The following NKAIN2 variants were observed in gnomAD, a reference collection of about 807,000 sequenced individuals.
NKAIN2 encodes sodium/potassium-transporting ATPase subunit beta-1-interacting protein 2.
Under a neutral mutation model 32.6 loss-of-function variants are expected in NKAIN2, and 14 were observed. The ratio of observed to expected loss-of-function variants is 0.43; its 90% CI spans 0.28 to 0.67. The LOEUF (loss-of-function observed/expected upper bound fraction) is 0.67, where lower values mean the gene tolerates loss of function less well. Among genes scored for constraint, NKAIN2 ranks in the 30% least tolerant of loss-of-function variants. The probability of loss-of-function intolerance (pLI) is 0.17; values close to 1 mark genes in which losing one functional copy is unlikely to be tolerated. For synonymous variants in NKAIN2, 80 were observed against 87.2 expected, an observed-to-expected ratio of 0.92 and a Z score of 0.46; for missense variants, 198 against 258.3, an observed-to-expected ratio of 0.77 and a Z score of 1.60.
intron 3 of NKAIN2, among the ~76,000 whole-genome samples, chr6:124,522,292 T>C (rs1779146252): frequency 6.6e-6 from 1 of 152,236 alleles, no homozygotes; most frequent in Admixed American, 6.5e-5. Flanking sequence ...CTATTCAGCA[T>C]GTATTTCATA....
In NKAIN2 at chr6:124,345,750, G is replaced by A. The variant is rs4628117; in HGVS notation, c.193-9517G>A. On this transcript the variant is annotated intron_variant, in intron 2 of 6. Coordinates refer to ENST00000368417, the MANE Select transcript of NKAIN2 (RefSeq NM_001040214.3). The stretch of plus-strand genomic sequence containing the variant: ...TTTCTTCTTTATTAGTCTTGCTAGC[G>A]GTCTATCAATTTTGTTGATCCTTTC... Among the ~76,000 whole-genome samples, 30 of 151,654 alleles carry A rather than the reference G, an allele frequency of 2.0e-4. 1 individual carries two copies. The highest frequency in any genetic ancestry group is 1.2e-3 in the East Asian group (6 of 5,144).
intron 1 of NKAIN2, among the ~76,000 whole-genome samples, chr6:124,184,481 C>T (rs1789606770): frequency 6.6e-6 from 1 of 152,084 alleles, no homozygotes; most frequent in South Asian, 2.1e-4. Context: ...ACTGTACTCA[C>T]CACCACCCGA....
At chr6:124,694,102 C>G (rs1167115862) in intron 4 of NKAIN2, among the ~76,000 whole-genome samples, 1 of 152,134 alleles carries the variant, frequency 6.6e-6, no homozygotes, top group African/African-American at 2.4e-5. Flanking sequence ...TGTTTAAAAG[C>G]ACGTTTGCAT....
chr6:123,849,969 TG>T (rs202181427), intron 1 of NKAIN2, among the ~76,000 whole-genome samples: 16,030 of 74,370 alleles, frequency 0.22, 1,659 homozygotes, highest in African/African-American at 0.31. Flanking sequence ...TTTGTTTGTT[TG>T]TTTTTTTTTT....
At chr6:124,370,436 T>C (rs1175804832) in intron 3 of NKAIN2, among the ~76,000 whole-genome samples, 2 of 152,118 alleles carry the variant, frequency 1.3e-5, no homozygotes, top group African/African-American at 4.8e-5. Context: ...CAGTCATTTA[T>C]AGAATATAAT....
At chr6:124,275,870 A>G (rs1795006682) in intron 1 of NKAIN2, among the ~76,000 whole-genome samples, 1 of 152,182 alleles carries the variant, frequency 6.6e-6, no homozygotes, top group African/African-American at 2.4e-5. Context: ...CAGGCATCTT[A>G]ATAACTAATG....
intron 1 of NKAIN2, among the ~76,000 whole-genome samples, chr6:124,167,967 C>T (rs1169130134): frequency 1.3e-5 from 2 of 152,122 alleles, no homozygotes; most frequent in African/African-American, 4.8e-5. Context: ...TATTTCTAAC[C>T]ATTTCCTTCT....
At chr6:124,255,258 T>C (rs1025557394) in intron 1 of NKAIN2, among the ~76,000 whole-genome samples, 1 of 152,236 alleles carries the variant, frequency 6.6e-6, no homozygotes, top group African/African-American at 2.4e-5. Flanking sequence ...TATGAACATT[T>C]GTATTTATGA....
chr6:124,387,292 A>T (rs1220776824), intron 3 of NKAIN2, among the ~76,000 whole-genome samples: 3 of 101,836 alleles, frequency 2.9e-5, no homozygotes, highest in Non-Finnish European at 6.0e-5. Context: ...ACCTAATTAA[A>T]GGTTTTTTTT....
At chr6:124,816,501 G>A (rs1035426394) in intron 5 of NKAIN2, among the ~76,000 whole-genome samples, 3 of 152,168 alleles carry the variant, frequency 2.0e-5, no homozygotes, top group South Asian at 2.1e-4. Context: ...GCTATTCATA[G>A]TGGAGGATGT....
chr6:124,363,187 G>A (rs772328901), intron 3 of NKAIN2, among the ~76,000 whole-genome samples: 3 of 152,054 alleles, frequency 2.0e-5, no homozygotes, highest in African/African-American at 4.8e-5. Flanking sequence ...ATGAGATAAA[G>A]CAAGAAATAT....
intron 1 of NKAIN2, among the ~76,000 whole-genome samples, chr6:124,123,632 A>G (rs1016218647): frequency 3.3e-5 from 5 of 152,104 alleles, no homozygotes; most frequent in African/African-American, 1.2e-4. Context: ...CATGGAACCT[A>G]CTTTTGAGAT....
chr6:124,094,094 T>C (rs1388124366), intron 1 of NKAIN2, among the ~76,000 whole-genome samples: 1 of 152,086 alleles, frequency 6.6e-6, no homozygotes, highest in Admixed American at 6.6e-5. Context: ...AAAACAAAAA[T>C]AATGCAAGTC....
At chr6:124,083,153 T>C (rs1784049877) in intron 1 of NKAIN2, among the ~76,000 whole-genome samples, 1 of 151,990 alleles carries the variant, frequency 6.6e-6, no homozygotes, top group Non-Finnish European at 1.5e-5. Flanking sequence ...TTTTGAATAA[T>C]TTTAAATTAT....
At chr6:124,406,141 A>C (rs1486360088) in intron 3 of NKAIN2, among the ~76,000 whole-genome samples, 5 of 151,990 alleles carry the variant, frequency 3.3e-5, no homozygotes, top group African/African-American at 1.2e-4. Flanking sequence ...ATATGTATAT[A>C]CTTAAGAAAC....
At chr6:123,997,294 C>G (rs1206997479) in intron 1 of NKAIN2, among the ~76,000 whole-genome samples, 1 of 152,170 alleles carries the variant, frequency 6.6e-6, no homozygotes, top group African/African-American at 2.4e-5. Context: ...ATAAACATGG[C>G]CAACTAGCCT....
intron 1 of NKAIN2, among the ~76,000 whole-genome samples, chr6:123,959,925 A>ATGTGTGTGTGTGTGTG (rs6149793): frequency 4.2e-5 from 6 of 141,270 alleles, no homozygotes; most frequent in Non-Finnish European, 7.7e-5. Context: ...TCTTCCATAT[A>ATGTGTGTGTGTGTGTG]TGTGTGTGTG....
intron 2 of NKAIN2, among the ~76,000 whole-genome samples, chr6:124,351,581 C>A (rs1798735390): frequency 6.7e-6 from 1 of 149,978 alleles, no homozygotes. Flanking sequence ...ATAAATAAAT[C>A]TTTGAGGATT....
At position 123,803,977 on chromosome 6, in the gene NKAIN2, G is replaced by A. The variant is rs552093956; in HGVS notation, c.-224G>A. Among the ~76,000 whole-genome samples, 3 of 151,330 alleles carry A rather than the reference G, an allele frequency of 2.0e-5. No individual in the cohort carries two copies. Among genetic ancestry groups the A allele is most frequent in the East Asian group, 3.9e-4 (2 of 5,076 alleles). ...GGCGCGGCGTGTGCACCGAGCGAGT[G>A]AAGGTATGTGTGGCGGGCGCGGCTG... On this transcript the variant is annotated 5_prime_UTR_variant, in exon 1 of 7. Transcript: ENST00000368417.
Sources: allele counts gnomAD v4.1 joint callset (sites outside exome capture counted in the v4.1 genomes callset), GRCh38; gene constraint gnomAD v4.1.1; transcripts MANE v1.5; gene names NCBI Gene and HGNC (gene_info 2026-07-23, HGNC 2026-07-21).